Variants in NGLY1 observed in about 807,000 individuals in gnomAD.
NGLY1 encodes the protein N-glycanase 1.
Under a neutral mutation model 84.6 loss-of-function variants are expected in NGLY1, and 68 were observed. The observed-to-expected ratio is 0.80, with a 90% CI of 0.66 to 0.98. The LOEUF is 0.98. Among genes scored for constraint, NGLY1 ranks in the 50% least tolerant of loss-of-function variants. The pLI, the probability that NGLY1 is intolerant of heterozygous loss-of-function variation, is 0.00. For missense variants in NGLY1, 779 were observed against 770.2 expected (o/e 1.01, Z -0.14); for synonymous variants, 280 against 275.2 (o/e 1.02, Z -0.17).
rs551195740 is a variant in NGLY1 at position 25,727,678 on chromosome 3, T to C, written c.1611+1455A>G. 3.9e-5 allele frequency among the ~76,000 whole-genome samples: 6 copies of C among 152,342 alleles called. No individual in the cohort carries two copies. The East Asian group carries it at 7.7e-4, about 20-fold the overall frequency. On this transcript the variant is annotated intron_variant, in intron 10 of 11. Transcript: ENST00000280700. ...GGAATCATCTTTTTGTTTACGTAGC[T>C]GAGAATAATGCCTGGCACAACAGTA...
At chr3:25,766,171 T>C (rs1478868623) in intron 2 of NGLY1, among the ~76,000 whole-genome samples, 5 of 151,606 alleles carry the variant, frequency 3.3e-5, no homozygotes, top group African/African-American at 9.7e-5. Flanking sequence ...GTTCAAGCAA[T>C]TCTCCTGCCT....
Position 25,783,334 on chromosome 3 carries a change from C to A in NGLY1, c.57G>T (p.Glu19Asp). ...AGGTCTCCGGGGTGTTCTGGCAGAG[C>A]TCAGCCACGGCCGGGGACGCCGAGC... ...SSGSASPAVA[E>D]LCQNTPETFL... Residue 19 changes from glutamate (E) to aspartate (D), a missense_variant, in exon 1 of 12, where the codon GAG becomes GAT. Physicochemically the swap from Glu to Asp is conservative, Grantham distance 45. Coordinates refer to ENST00000280700, the MANE Select transcript of NGLY1 (RefSeq NM_018297.4). This position sits in a 1 kb window ranked among gnomAD's most constrained non-coding sequence, Gnocchi z 4.5. The A allele has an allele frequency of 6.3e-7, 1 of 1,590,314 alleles. No homozygotes were observed. Among genetic ancestry groups the A allele is most frequent in the Non-Finnish European group, 8.5e-7 (1 of 1,169,974 alleles).
At chr3:25,778,925 CTTTTTTTTTTTTTTTT>C (rs565447910) in intron 1 of NGLY1, among the ~76,000 whole-genome samples, 4 of 54,692 alleles carry the variant, frequency 7.3e-5, no homozygotes, top group Non-Finnish European at 1.0e-4. Flanking sequence ...AAGATACATT[CTTTTTTTTTTTTTTTT>C]TTTTTTTTTT....
chr3:25,755,096 T>A, intron 3 of NGLY1: 2 of 1,449,522 alleles, frequency 1.4e-6, no homozygotes, highest in Non-Finnish European at 1.9e-6. Flanking sequence ...AAAAATTTAT[T>A]CGAGCCATGC....
At chr3:25,780,329 A>G (rs529081079) in intron 1 of NGLY1, among the ~76,000 whole-genome samples, 3 of 152,088 alleles carry the variant, frequency 2.0e-5, no homozygotes, top group Non-Finnish European at 4.4e-5. Context: ...CTTTCTTATC[A>G]CTTAAGAAAA....
chr3:25,743,766 G>C (rs1383196287), intron 4 of NGLY1, among the ~76,000 whole-genome samples: 2 of 152,106 alleles, frequency 1.3e-5, no homozygotes, highest in African/African-American at 2.4e-5. Context: ...TCAAGACCAA[G>C]AAGAAAGGAA....
At chr3:25,723,238 A>G (rs1705094774) in intron 10 of NGLY1, among the ~76,000 whole-genome samples, 1 of 152,212 alleles carries the variant, frequency 6.6e-6, no homozygotes, top group African/African-American at 2.4e-5. Flanking sequence ...GTCTGACAGC[A>G]TTTATTAAAG....
chr3:25,726,436 G>GT (rs1454674065), intron 10 of NGLY1, among the ~76,000 whole-genome samples: 2 of 152,156 alleles, frequency 1.3e-5, no homozygotes, highest in Non-Finnish European at 2.9e-5. Context: ...TGAAAGAGAG[G>GT]TATATGGTAC....
chr3:25,759,789 A>G (rs1559549178), intron 3 of NGLY1, among the ~76,000 whole-genome samples: 1 of 152,170 alleles, frequency 6.6e-6, no homozygotes, highest in East Asian at 1.9e-4. Context: ...ACTTCCAATT[A>G]TTTTGATTTC....
chr3:25,749,482 G>C, intron 4 of NGLY1: 1 of 1,509,052 alleles, frequency 6.6e-7, no homozygotes, highest in Non-Finnish European at 9.1e-7. Flanking sequence ...TCTCCTCTTC[G>C]GCCTCATGGC....
chr3:25,732,380 A>G lies in NGLY1; in HGVS notation c.1364T>C (p.Leu455Pro), dbSNP rs754714582. Reference sequence around the variant, plus strand: ...CACTGACCCAGATATTCTTCCCCCAAGTTCTCCAGGTTTAGGGGTTTTGGG... The same window carrying G: ...CACTGACCCAGATATTCTTCCCCCAGGTTCTCCAGGTTTAGGGGTTTTGGG... The part of the protein sequence containing the change: ...ISPKTPKPGE[L>P]GGRISGSVAW... Residue 455 changes from leucine (L) to proline (P), a missense_variant, in exon 9 of 12, where the codon CTT (leucine) becomes CCT (proline). Transcript: ENST00000280700. 3.1e-6 allele frequency: 5 copies of G among 1,613,800 alleles called. No homozygotes were observed. The East Asian group carries it at 1.1e-4, about 36-fold the overall frequency.
intron 3 of NGLY1, chr3:25,755,563 T>C (rs555983269): frequency 1.7e-5 from 25 of 1,435,626 alleles, no homozygotes; most frequent in African/African-American, 4.2e-5. Flanking sequence ...CCCTCAATGA[T>C]TGGGCCCAAA....
intron 7 of NGLY1, chr3:25,734,959 G>T: frequency 1.8e-6 from 1 of 552,594 alleles, no homozygotes; most frequent in Non-Finnish European, 2.3e-6. Context: ...GATACAAGTG[G>T]AAAGACAATT....
Position 25,783,228 on chromosome 3 carries a change from G to C in NGLY1, c.131+32C>G, listed in dbSNP as rs1708502667. 3,514 of 760,006 alleles carry C rather than the reference G, an allele frequency of 4.6e-3. No homozygotes were observed. The highest frequency in any genetic ancestry group is 7.0e-3 in the Non-Finnish European group (3,185 of 456,526). The allele number at this position is 760,006 out of a possible 1,614,324, so 47.1% of individuals were successfully genotyped here. A position where few individuals can be genotyped will look rare whatever the true frequency, so the allele number is the denominator to read the frequency against. ...CAAGGTGCCGCGGCCCACCCACCCC[G>C]GTACCCGCCGTCCGACCCCGTTGCC... On this transcript the variant is annotated intron_variant, in intron 1 of 11. Coordinates refer to ENST00000280700, the MANE Select transcript of NGLY1 (RefSeq NM_018297.4). This position sits in a 1 kb window ranked among gnomAD's most constrained non-coding sequence, Gnocchi z 4.5.
rs995931955 is a variant in NGLY1, at chr3:25,759,425, T to C, written c.492+4641A>G. The stretch of plus-strand genomic sequence containing the variant: ...TTTTTCTTAAATGCAGACTTTCATT[T>C]ACCAAGAAGGTAAGAATTCATCCGG... On this transcript the variant is annotated intron_variant, in intron 3 of 11. Coordinates refer to ENST00000280700, the MANE Select transcript of NGLY1 (RefSeq NM_018297.4). 3.3e-5 allele frequency among the ~76,000 whole-genome samples: 5 copies of C among 152,244 alleles called. No homozygotes were observed. The East Asian group carries it at 9.6e-4, about 29-fold the overall frequency.
upstream of NGLY1, among the ~76,000 whole-genome samples, chr3:25,785,675 A>C (rs1327814702): frequency 1.3e-5 from 2 of 152,102 alleles, no homozygotes; most frequent in East Asian, 1.9e-4. Flanking sequence ...CTCTACAAAA[A>C]AAAAACAAAA....
upstream of NGLY1, among the ~76,000 whole-genome samples, chr3:25,788,128 GCCA>G (rs1406403395): frequency 4.6e-5 from 7 of 152,308 alleles, no homozygotes; most frequent in East Asian, 1.3e-3. Flanking sequence ...GAAAGCAAGA[GCCA>G]TACCTCTACT....
chr3:25,732,543 T>G, intron 8 of NGLY1, 60 bp from the exon 9 acceptor site: 4 of 1,267,014 alleles, frequency 3.2e-6, no homozygotes, highest in Non-Finnish European at 4.4e-6. Flanking sequence ...GGTCCATCTC[T>G]AAGCAAGAAT....
intron 8 of NGLY1, among the ~76,000 whole-genome samples, chr3:25,732,859 A>G (rs1705610227): frequency 6.6e-6 from 1 of 152,166 alleles, no homozygotes; most frequent in Admixed American, 6.5e-5. Flanking sequence ...ACATATAAAC[A>G]CCTGTTTGAG....
Sources: allele counts gnomAD v4.1 joint callset (sites outside exome capture counted in the v4.1 genomes callset), GRCh38; gene constraint gnomAD v4.1.1; non-coding constraint Gnocchi (gnomAD v3.1); transcripts MANE v1.5; gene names NCBI Gene and HGNC (gene_info 2026-07-23, HGNC 2026-07-21).